ASTN2: variants seen among roughly 807,000 people sequenced by gnomAD.
The protein encoded by ASTN2 is astrotactin 2.
Under a neutral mutation model 139.8 loss-of-function variants are expected in ASTN2, and 54 were observed. That is an observed-to-expected ratio of 0.39 (90% confidence interval 0.31 to 0.48). The LOEUF (loss-of-function observed/expected upper bound fraction) is 0.48, where lower values mean the gene tolerates loss of function less well. ASTN2 is among the 20% of genes least tolerant of loss of function. ASTN2 has a pLI of 0.95. For missense variants in ASTN2, 1,565 were observed against 1,725.1 expected, an observed-to-expected ratio of 0.91 and a Z score of 1.64; for synonymous variants, 756 against 719.5, an observed-to-expected ratio of 1.05 and a Z score of -0.81.
intron 16 of ASTN2, among the ~76,000 whole-genome samples, chr9:116,660,168 G>GCACACGCACA (rs1554727031): frequency 6.8e-6 from 1 of 146,576 alleles, no homozygotes; most frequent in Non-Finnish European, 1.5e-5. Context: ...TATTGCAAGC[G>GCACACGCACA]CACACACACA....
intron 13 of ASTN2, among the ~76,000 whole-genome samples, chr9:116,771,757 T>C (rs1184164219): frequency 6.6e-6 from 1 of 152,198 alleles, no homozygotes; most frequent in African/African-American, 2.4e-5. Context: ...CATGGAGATT[T>C]ATGGATCAAG....
rs1304253894 is a variant in ASTN2, at chr9:116,440,639, A to G, written c.3752T>C (p.Val1251Ala). The change falls in exon 22 of 23, where the codon GTC (valine) becomes GCC (alanine). Residue 1251 changes from valine (V) to alanine (A), a missense_variant. Physicochemically the swap from Val to Ala is moderately conservative, Grantham distance 64 (BLOSUM62 0). Transcript: ENST00000313400. ...CCCCAGCTCATCCTCACTTCTCCAG[A>G]CGAAGTCGCCAAACTTTTCATAGTG... ...NSHYEKFGDF[V>A]WRSEDELGPR... 2 of 1,613,910 alleles carry G rather than the reference A, an allele frequency of 1.2e-6. No individual in the cohort carries two copies. The highest frequency in any genetic ancestry group is 3.3e-5 in the Admixed American group (2 of 60,032).
intron 10 of ASTN2, among the ~76,000 whole-genome samples, chr9:116,868,729 C>T (rs1833079629): frequency 6.6e-6 from 1 of 152,238 alleles, no homozygotes; most frequent in Non-Finnish European, 1.5e-5. Flanking sequence ...GAGCCCTGGT[C>T]CCTCAGTAGG....
intron 5 of ASTN2, among the ~76,000 whole-genome samples, chr9:117,089,742 T>C (rs1828658274): frequency 7.0e-6 from 1 of 143,736 alleles, no homozygotes. Flanking sequence ...TGCGTCACCA[T>C]AGTTTAGCTC....
intron 13 of ASTN2, among the ~76,000 whole-genome samples, chr9:116,749,332 C>T (rs936925751): frequency 2.0e-5 from 3 of 152,130 alleles, no homozygotes; most frequent in Non-Finnish European, 4.4e-5. Context: ...CTTTTCTTCT[C>T]CTCCTGCCCT....
intron 3 of ASTN2, among the ~76,000 whole-genome samples, chr9:117,149,254 G>A (rs768435000): frequency 6.6e-6 from 1 of 151,932 alleles, no homozygotes; most frequent in East Asian, 1.9e-4. Flanking sequence ...TCTTGACCTC[G>A]TGATCCACCT....
intron 17 of ASTN2, among the ~76,000 whole-genome samples, chr9:116,628,502 G>A (rs1462264758): frequency 1.3e-5 from 2 of 152,072 alleles, no homozygotes; most frequent in South Asian, 4.1e-4. Flanking sequence ...TAGATATACT[G>A]ACTAGAATTG....
At chr9:117,106,208 A>G (rs1421288518) in intron 4 of ASTN2, among the ~76,000 whole-genome samples, 3 of 151,740 alleles carry the variant, frequency 2.0e-5, no homozygotes, top group Admixed American at 6.6e-5. Context: ...CTTTTCATCC[A>G]AGCTACATAT....
At chr9:117,043,885 G>A (rs1838653613) in intron 5 of ASTN2, among the ~76,000 whole-genome samples, 1 of 139,038 alleles carries the variant, frequency 7.2e-6, no homozygotes, top group South Asian at 2.3e-4. Context: ...TCCAGCTTGG[G>A]CCACAGAGCA....
chr9:116,518,490 C>T (rs111819882), intron 19 of ASTN2, among the ~76,000 whole-genome samples: 1,868 of 152,152 alleles, frequency 0.012, 34 homozygotes, highest in African/African-American at 0.043. Flanking sequence ...GCCAGCACTA[C>T]AAGAACTGCT....
intron 4 of ASTN2, among the ~76,000 whole-genome samples, chr9:117,113,529 G>A (rs1039958494): frequency 6.6e-6 from 1 of 152,166 alleles, no homozygotes; most frequent in African/African-American, 2.4e-5. Flanking sequence ...GGTGGCAGGT[G>A]CCTGTAATCC....
At chr9:117,385,279 T>G (rs145951935) in intron 1 of ASTN2, among the ~76,000 whole-genome samples, 2 of 152,286 alleles carry the variant, frequency 1.3e-5, no homozygotes, top group African/African-American at 4.8e-5. Context: ...CATAAACCAC[T>G]GTGCCCAGCC....
chr9:117,132,243 C>A (rs2132839855), intron 4 of ASTN2, among the ~76,000 whole-genome samples: 1 of 152,272 alleles, frequency 6.6e-6, no homozygotes, highest in South Asian at 2.1e-4. Context: ...GCTGGCTAGC[C>A]AGAGGTGCAT....
chr9:116,862,807 T>TACACACACACACACAC (rs751612533), intron 11 of ASTN2, among the ~76,000 whole-genome samples: 5 of 90,918 alleles, frequency 5.5e-5, no homozygotes, highest in African/African-American at 1.7e-4. Context: ...CACACACAAA[T>TACACACACACACACAC]ACACACACAC....
chr9:117,186,850 G>C lies in ASTN2; in HGVS notation c.1015+27508C>G, dbSNP rs545391999. Among the ~76,000 whole-genome samples, 303 of 152,296 alleles carry C rather than the reference G, an allele frequency of 2.0e-3. 1 individual carries two copies. The highest frequency in any genetic ancestry group is 7.0e-3 in the African/African-American group (290 of 41,558). Reference sequence around the variant, plus strand: ...AATGGTGGCAAAAATTATAAAGAAGGCCGGGCGAAGTGGCTCACGCCTGTA... The same window carrying C: ...AATGGTGGCAAAAATTATAAAGAAGCCCGGGCGAAGTGGCTCACGCCTGTA... On this transcript the variant is annotated intron_variant, in intron 3 of 22. Coordinates refer to ENST00000313400, the MANE Select transcript of ASTN2 (RefSeq NM_001365068.1).
chr9:116,509,015 A>G (rs933790219), intron 19 of ASTN2, among the ~76,000 whole-genome samples: 47 of 151,938 alleles, frequency 3.1e-4, no homozygotes, highest in African/African-American at 1.1e-3. Context: ...TTATATATAT[A>G]TTTTTAACTA....
chr9:116,857,790 T>G (rs1365272093), intron 11 of ASTN2, among the ~76,000 whole-genome samples: 2 of 152,208 alleles, frequency 1.3e-5, no homozygotes, highest in African/African-American at 4.8e-5. Flanking sequence ...TTTGCTACTC[T>G]TCGCATTGAC....
chr9:116,728,851 G>A, intron 15 of ASTN2, 141 bp downstream of exon 15: 2 of 678,268 alleles, frequency 2.9e-6, no homozygotes, highest in South Asian at 3.7e-5. Flanking sequence ...ACCCTCCCTA[G>A]GACTCCTTGA....
intron 3 of ASTN2, chr9:117,181,056 C>T: frequency 2.1e-6 from 3 of 1,431,920 alleles, no homozygotes; most frequent in East Asian, 2.3e-5. Context: ...CATAAACATA[C>T]ATCTGAAAGG....
Sources: allele counts gnomAD v4.1 joint callset (sites outside exome capture counted in the v4.1 genomes callset), GRCh38; gene constraint gnomAD v4.1.1; transcripts MANE v1.5; gene names NCBI Gene and HGNC (gene_info 2026-07-23, HGNC 2026-07-21).